Variants in RNF2 observed in about 807,000 individuals in gnomAD.
RNF2 encodes the protein ring finger protein 2.
RNF2 carries 6 observed loss-of-function variants against 37.2 expected under a neutral mutation model. The observed-to-expected ratio is 0.16, with a 90% CI of 0.09 to 0.32. The LOEUF (loss-of-function observed/expected upper bound fraction) is 0.32. Among genes scored for constraint, RNF2 ranks in the 10% least tolerant of loss-of-function variants. The pLI is 1.00. For synonymous variants in RNF2, 133 were observed against 132.7 expected (o/e 1.00, Z -0.02); for missense variants, 251 against 404.0 (o/e 0.62, Z 3.25).
intron 1 of RNF2, among the ~76,000 whole-genome samples, chr1:185,055,832 C>T (rs1650419411): frequency 6.6e-6 from 1 of 151,586 alleles, no homozygotes; most frequent in Non-Finnish European, 1.5e-5. Context: ...TGAACCTATC[C>T]TTTTGTCCTT....
chr1:185,088,987 G>C (rs1349479285), intron 2 of RNF2, among the ~76,000 whole-genome samples: 1 of 133,116 alleles, frequency 7.5e-6, no homozygotes, highest in Non-Finnish European at 1.6e-5. Context: ...GTAATTTAGA[G>C]ATGATTTAAA....
At chr1:185,048,452 A>G (rs1239822273) in intron 1 of RNF2, among the ~76,000 whole-genome samples, 3 of 152,164 alleles carry the variant, frequency 2.0e-5, no homozygotes, top group Admixed American at 6.5e-5. Context: ...TACTTCTCCC[A>G]TTTCATTTTG....
chr1:185,083,877 G>T (rs1249360589), intron 1 of RNF2, among the ~76,000 whole-genome samples: 2 of 149,238 alleles, frequency 1.3e-5, no homozygotes, highest in Non-Finnish European at 1.5e-5. Context: ...AAAGGGCTGG[G>T]ATTACAGGTG....
chr1:185,064,929 G>A (rs763911063), intron 1 of RNF2, among the ~76,000 whole-genome samples: 1 of 151,842 alleles, frequency 6.6e-6, no homozygotes, highest in Non-Finnish European at 1.5e-5. Flanking sequence ...TTCTTGCAAC[G>A]TTGCTGAATT....
intron 1 of RNF2, among the ~76,000 whole-genome samples, chr1:185,070,808 T>C (rs1650948908): frequency 6.6e-6 from 1 of 152,048 alleles, no homozygotes; most frequent in Admixed American, 6.6e-5. Flanking sequence ...CGGCTCATTT[T>C]TTTATTTTTA....
chr1:185,056,120 T>A (rs757679195), intron 1 of RNF2, among the ~76,000 whole-genome samples: 5 of 152,342 alleles, frequency 3.3e-5, no homozygotes, highest in Non-Finnish European at 5.9e-5. Context: ...TGTGATGATT[T>A]GTTAGTCTTC....
intron 1 of RNF2, among the ~76,000 whole-genome samples, chr1:185,065,188 G>T (rs1650764417): frequency 6.6e-6 from 1 of 152,130 alleles, no homozygotes; most frequent in Non-Finnish European, 1.5e-5. Flanking sequence ...CTAGCTAAAG[G>T]ATTGTAAATG....
intron 1 of RNF2, among the ~76,000 whole-genome samples, chr1:185,085,734 A>G (rs909039490): frequency 6.6e-6 from 1 of 151,506 alleles, no homozygotes; most frequent in African/African-American, 2.4e-5. Context: ...GCTCACTGCA[A>G]CCTCTGCCTC....
At chr1:185,050,775 G>A (rs1650248188) in intron 1 of RNF2, among the ~76,000 whole-genome samples, 1 of 152,168 alleles carries the variant, frequency 6.6e-6, no homozygotes, top group East Asian at 1.9e-4. Context: ...ATGGGGCTTT[G>A]GATTTCTGAT....
intron 1 of RNF2, among the ~76,000 whole-genome samples, chr1:185,082,153 T>C (rs924779616): frequency 3.3e-5 from 5 of 152,220 alleles, no homozygotes; most frequent in Non-Finnish European, 7.4e-5. Context: ...CACCCACTTA[T>C]CGAGCTTTTT....
intron 1 of RNF2, among the ~76,000 whole-genome samples, chr1:185,067,041 G>A (rs915026951): frequency 2.6e-5 from 4 of 152,124 alleles, no homozygotes; most frequent in African/African-American, 4.8e-5. Flanking sequence ...ACTTAAGACC[G>A]GATAATGGAG....
In RNF2 at chr1:185,098,310, A is replaced by G; in HGVS notation, c.703A>G (p.Thr235Ala). ...EIELVFRPHP[T>A]LMEKDDSAQT... The stretch of plus-strand genomic sequence containing the variant: ...TGAATTAGTATTCAGGCCTCATCCC[A>G]CACTTATGGAAAAAGATGACAGTGC... The change falls in exon 5 of 7, where the codon ACA (threonine) becomes GCA (alanine). Residue 235 changes from threonine (T) to alanine (A), a missense_variant. Transcript: ENST00000367510. 6.2e-7 allele frequency: 1 copy of G among 1,614,206 alleles called. No homozygotes were observed. The highest frequency in any genetic ancestry group is 8.5e-7 in the Non-Finnish European group (1 of 1,180,022).
Position 185,098,099 on chromosome 1 carries a change from T to C in RNF2, c.492T>C (p.Ile164=), listed in dbSNP as rs1230870735. The C allele has an allele frequency of 1.2e-6, 2 of 1,614,136 alleles. No homozygotes were observed. Among genetic ancestry groups the C allele is most frequent in the Non-Finnish European group, 1.7e-6 (2 of 1,180,020 alleles). Residue 164 remains isoleucine, a synonymous_variant, in exon 5 of 7, where the codon ATT becomes ATC. Transcript: ENST00000367510. Reference sequence around the variant, plus strand: ...TGCAGCGAGGCAAGAAACAACAGATTGAAAATGGTAGTGGAGCAGAAGATA... The same window carrying C: ...TGCAGCGAGGCAAGAAACAACAGATCGAAAATGGTAGTGGAGCAGAAGATA... ...NRLQRGKKQQ[I]ENGSGAEDNG...
At chr1:185,070,376 C>T (rs1048638296) in intron 1 of RNF2, among the ~76,000 whole-genome samples, 3 of 152,216 alleles carry the variant, frequency 2.0e-5, no homozygotes, top group African/African-American at 7.2e-5. Context: ...TGCTTTCTGA[C>T]TGTCTCATTT....
At position 185,075,183 on chromosome 1, in the gene RNF2, G is replaced by T. The variant is rs552912533; in HGVS notation, c.-2-12369G>T. Among the ~76,000 whole-genome samples the T allele has an allele frequency of 1.1e-4, 16 of 152,008 alleles. No homozygotes were observed. The South Asian group carries it at 3.3e-3, about 32-fold the overall frequency. Reference sequence around the variant, plus strand: ...TAATTTTTTTATTTTTAGTAGAGACGGGTTTTCGCCGTGTTGGCCAGGCTG... The same window carrying T: ...TAATTTTTTTATTTTTAGTAGAGACTGGTTTTCGCCGTGTTGGCCAGGCTG... On this transcript the variant is annotated intron_variant, in intron 1 of 6. Coordinates refer to ENST00000367510, the MANE Select transcript of RNF2 (RefSeq NM_007212.4).
intron 1 of RNF2, among the ~76,000 whole-genome samples, chr1:185,050,566 C>T (rs927521342): frequency 6.6e-6 from 1 of 152,112 alleles, no homozygotes; most frequent in Non-Finnish European, 1.5e-5. Flanking sequence ...TAGTACTGTG[C>T]ACATAGATAC....
chr1:185,095,887 CAT>C (rs1651897607), intron 4 of RNF2, among the ~76,000 whole-genome samples: 1 of 152,134 alleles, frequency 6.6e-6, no homozygotes, highest in South Asian at 2.1e-4. Flanking sequence ...TTTTGTTCCT[CAT>C]ATGACACTCA....
chr1:185,074,615 A>G (rs1651089356), intron 1 of RNF2, among the ~76,000 whole-genome samples: 1 of 152,188 alleles, frequency 6.6e-6, no homozygotes, highest in Non-Finnish European at 1.5e-5. Flanking sequence ...AAGAAAAAAA[A>G]AGACCAGATA....
chr1:185,064,096 TAGAG>T (rs1243101236), intron 1 of RNF2, among the ~76,000 whole-genome samples: 2 of 152,338 alleles, frequency 1.3e-5, no homozygotes, highest in East Asian at 3.9e-4. Context: ...CTGCCATAGT[TAGAG>T]ACTTAATTCA....
Sources: gnomAD v4.1 joint callset for allele counts (sites outside exome capture counted in the v4.1 genomes callset) on GRCh38, gnomAD v4.1.1 for gene constraint, MANE v1.5 for transcripts, NCBI Gene and HGNC (gene_info 2026-07-23, HGNC 2026-07-21) for gene names.